The following SUCLG2 variants were observed in gnomAD, a reference collection of about 807,000 sequenced individuals.
The protein encoded by SUCLG2 is succinate-CoA ligase GDP-forming subunit beta, also known as succinate--CoA ligase [GDP-forming] subunit beta, mitochondrial.
Under a neutral mutation model 47.9 loss-of-function variants are expected in SUCLG2, and 42 were observed. The ratio of observed to expected loss-of-function variants is 0.88; its 90% CI spans 0.69 to 1.14. The LOEUF is 1.14. Ranked by LOEUF, SUCLG2 falls within the 50% of genes most tolerant of loss-of-function variation. The probability of loss-of-function intolerance (pLI) is 0.00; values close to 1 mark genes in which losing one functional copy is unlikely to be tolerated. For missense variants in SUCLG2, 571 were observed against 525.9 expected (o/e 1.09, Z -0.84); for synonymous variants, 195 against 197.3 (o/e 0.99, Z 0.10).
At chr3:67,396,702 T>G (rs978413782) in intron 10 of SUCLG2, among the ~76,000 whole-genome samples, 3 of 152,142 alleles carry the variant, frequency 2.0e-5, no homozygotes, top group Non-Finnish European at 2.9e-5. Flanking sequence ...TACCAAAGCC[T>G]GGCAGAGACA....
intron 2 of SUCLG2, among the ~76,000 whole-genome samples, chr3:67,561,829 A>C (rs866009292): frequency 5.3e-5 from 8 of 152,226 alleles, no homozygotes; most frequent in Middle Eastern, 3.2e-3. Context: ...CCAGTTCAAA[A>C]GGCAGACAAA....
downstream of SUCLG2, among the ~76,000 whole-genome samples, chr3:67,374,003 C>T (rs1701987728): frequency 1.3e-5 from 2 of 152,188 alleles, no homozygotes; most frequent in Non-Finnish European, 2.9e-5. Flanking sequence ...TTGCTTTATC[C>T]CCTCCTCCAA....
intron 9 of SUCLG2, among the ~76,000 whole-genome samples, chr3:67,469,665 G>C (rs1575717571): frequency 2.0e-5 from 3 of 152,074 alleles, no homozygotes; most frequent in African/African-American, 7.2e-5. Context: ...GGAGGCGGAG[G>C]TTGCAGTGAG....
chr3:67,519,538 C>T (rs1249264048), intron 5 of SUCLG2, among the ~76,000 whole-genome samples: 1 of 152,102 alleles, frequency 6.6e-6, no homozygotes, highest in Non-Finnish European at 1.5e-5. Flanking sequence ...CCTTATACAT[C>T]GTTTCCATTC....
chr3:67,588,013 A>C (rs1326455694), intron 2 of SUCLG2, among the ~76,000 whole-genome samples: 1 of 152,238 alleles, frequency 6.6e-6, no homozygotes, highest in Admixed American at 6.5e-5. Context: ...TCACTTAGAG[A>C]CAGGAGAAGA....
At chr3:67,368,562 T>G (rs918044658) in intron 10 of SUCLG2, among the ~76,000 whole-genome samples, 1 of 152,100 alleles carries the variant, frequency 6.6e-6, no homozygotes, top group Admixed American at 6.6e-5. Flanking sequence ...CAATCCACTA[T>G]TTTATATGTT....
chr3:67,448,828 T>G (rs571438127), intron 9 of SUCLG2, among the ~76,000 whole-genome samples: 6 of 149,076 alleles, frequency 4.0e-5, no homozygotes, highest in African/African-American at 1.5e-4. Context: ...GTAAAAAAGG[T>G]TTTTTTTTCT....
chr3:67,400,594 G>T, intron 10 of SUCLG2, 137 bp downstream of exon 10: 1 of 1,238,368 alleles, frequency 8.1e-7, no homozygotes, highest in Non-Finnish European at 1.1e-6. Context: ...GGGAAGTCCT[G>T]CCGTACTGTG....
At chr3:67,399,086 C>T (rs375151421) in intron 10 of SUCLG2, among the ~76,000 whole-genome samples, 26 of 146,580 alleles carry the variant, frequency 1.8e-4, no homozygotes, top group African/African-American at 5.0e-4. Context: ...ACGAGTTAAT[C>T]GGTGCAGCAC....
At chr3:67,452,134 A>G (rs188127196) in intron 9 of SUCLG2, among the ~76,000 whole-genome samples, 1 of 152,318 alleles carries the variant, frequency 6.6e-6, no homozygotes, top group East Asian at 1.9e-4. Context: ...AAATACAAAT[A>G]CAAATAAAAA....
intron 9 of SUCLG2, among the ~76,000 whole-genome samples, chr3:67,488,864 G>A (rs924940718): frequency 8.5e-5 from 13 of 152,088 alleles, no homozygotes; most frequent in Admixed American, 8.5e-4. Flanking sequence ...TCTACACAGA[G>A]GACTCGTAAT....
chr3:67,508,811 T>A lies in SUCLG2; in HGVS notation c.753A>T (p.Gly251=), dbSNP rs1559552190. The A allele has an allele frequency of 2.5e-6, 4 of 1,592,878 alleles. No homozygotes were observed. The highest frequency in any genetic ancestry group is 3.4e-6 in the Non-Finnish European group (4 of 1,169,870). Residue 251 remains glycine (G), a synonymous_variant, in exon 7 of 11, where the codon GGA becomes GGT. Coordinates refer to ENST00000307227, the MANE Select transcript of SUCLG2 (RefSeq NM_003848.4). ...EVNPFGETPE[G]QVVCFDAKIN... ...TCAATTCTTTTTTTTTTTTACCTTGTCCTTCTGGAGTTTCACCAAAGGGAT... is the reference window on the plus strand; with the variant it reads ...TCAATTCTTTTTTTTTTTTACCTTGACCTTCTGGAGTTTCACCAAAGGGAT...
In SUCLG2 at chr3:67,400,799, A is replaced by G. The variant is rs754988100; in HGVS notation, c.1115T>C (p.Ile372Thr). ...IFGGIVNCAI[I>T]ANGITKACRE... ...GCAGGCTTTGGTGATCCCATTGGCA[A>G]TGATGGCACAGTTGACGATACCACC... Residue 372 changes from isoleucine to threonine, a missense_variant, in exon 10 of 11, where the codon ATT becomes ACT. Physicochemically the swap from Ile to Thr is moderately conservative, Grantham distance 89. Transcript: ENST00000307227. 6.2e-7 allele frequency: 1 copy of G among 1,612,876 alleles called. No individual in the cohort carries two copies. Among genetic ancestry groups the G allele is most frequent in the Non-Finnish European group, 8.5e-7 (1 of 1,179,956 alleles).
At chr3:67,585,987 AAAAAC>A (rs1708008440) in intron 2 of SUCLG2, among the ~76,000 whole-genome samples, 5 of 47,056 alleles carry the variant, frequency 1.1e-4, no homozygotes, top group Non-Finnish European at 2.7e-4. Context: ...AAAAAAAAAA[AAAAAC>A]CAAACCCACA....
chr3:67,371,017 T>C (rs112748029), downstream of SUCLG2, among the ~76,000 whole-genome samples: 5,983 of 152,260 alleles, frequency 0.039, 363 homozygotes, highest in African/African-American at 0.13. Flanking sequence ...TAAAAGGTAA[T>C]TGAAAAAAAA....
intron 2 of SUCLG2, among the ~76,000 whole-genome samples, chr3:67,568,236 C>G (rs961238813): frequency 6.6e-6 from 1 of 152,150 alleles, no homozygotes; most frequent in Non-Finnish European, 1.5e-5. Context: ...AATGATCCAT[C>G]AAATGAAACA....
rs147516134 is a variant in SUCLG2, at chr3:67,391,381, A to G, written c.1183+9350T>C. ...GACTCGGTATGCTAAGAAGGACACAATTTGCACTCCTATTCGCTACATGAT... is the reference window on the plus strand; with the variant it reads ...GACTCGGTATGCTAAGAAGGACACAGTTTGCACTCCTATTCGCTACATGAT... On this transcript the variant is annotated intron_variant, in intron 10 of 10. Transcript: ENST00000307227. 8.3e-3 allele frequency among the ~76,000 whole-genome samples: 1,256 copies of G among 152,198 alleles called. 7 individuals carry two copies. Among genetic ancestry groups the G allele is most frequent in the South Asian group, 0.024 (117 of 4,820 alleles).
At chr3:67,632,129 G>A (rs1188612103) in intron 1 of SUCLG2, among the ~76,000 whole-genome samples, 2 of 152,090 alleles carry the variant, frequency 1.3e-5, no homozygotes, top group African/African-American at 2.4e-5. Context: ...CATATATTAT[G>A]TACAAATAAA....
At chr3:67,374,386 G>A (rs1197403807), downstream of SUCLG2, among the ~76,000 whole-genome samples, 1 of 152,124 alleles carries the variant, frequency 6.6e-6, no homozygotes, top group African/African-American at 2.4e-5. Context: ...ACACTGAAAG[G>A]AAAATTAATG....
Sources: allele counts gnomAD v4.1 joint callset (sites outside exome capture counted in the v4.1 genomes callset), GRCh38; gene constraint gnomAD v4.1.1; transcripts MANE v1.5; gene names NCBI Gene and HGNC (gene_info 2026-07-23, HGNC 2026-07-21).